The following MTHFD1L variants were observed in gnomAD, a reference collection of about 807,000 sequenced individuals.
The protein encoded by MTHFD1L is methylenetetrahydrofolate dehydrogenase (NADP+ dependent) 1 like.
Under a neutral mutation model 119.5 loss-of-function variants are expected in MTHFD1L, and 81 were observed. The ratio of observed to expected loss-of-function variants is 0.68; its 90% CI spans 0.57 to 0.82. MTHFD1L has a LOEUF of 0.82. Among genes scored for constraint, MTHFD1L ranks in the 40% least tolerant of loss-of-function variants. The pLI is 0.00. For synonymous variants in MTHFD1L, 430 were observed against 475.2 expected, an observed-to-expected ratio of 0.90 and a Z score of 1.24; for missense variants, 1,125 against 1,253.4, an observed-to-expected ratio of 0.90 and a Z score of 1.55.
chr6:150,970,629 T>A (rs1797884655), intron 19 of MTHFD1L, among the ~76,000 whole-genome samples: 1 of 152,228 alleles, frequency 6.6e-6, no homozygotes, highest in South Asian at 2.1e-4. Flanking sequence ...TGGAGAATAT[T>A]CATAGCAAGA....
At chr6:150,978,309 T>C (rs9397030) in intron 20 of MTHFD1L, among the ~76,000 whole-genome samples, 12,166 of 152,132 alleles carry the variant, frequency 0.08, 1,234 homozygotes, top group East Asian at 0.54. Context: ...CTAGCTCTAC[T>C]TTTGACGGTA....
Position 150,882,645 on chromosome 6 carries a change from C to T in MTHFD1L, c.418-117C>T, listed in dbSNP as rs1453828415. 5.3e-6 allele frequency: 4 copies of T among 752,756 alleles called. No homozygotes were observed. In the East Asian group the frequency reaches 1.0e-4, roughly 19 times the overall value. 46.6% of individuals were successfully genotyped at this position (752,756 alleles called of 1,614,324 possible). ...ACCAAGTTTCCAACAAGGAGCAAAA[C>T]AACAACAAACTATAACAGATGCATT... On this transcript the variant is annotated intron_variant, in intron 4 of 27. Coordinates refer to ENST00000367321, the MANE Select transcript of MTHFD1L (RefSeq NM_015440.5).
intron 20 of MTHFD1L, among the ~76,000 whole-genome samples, chr6:150,985,660 C>CAAAAAAAAAAAAAAA (rs71014533): frequency 3.8e-5 from 3 of 78,936 alleles, no homozygotes; most frequent in Non-Finnish European, 4.9e-5. Flanking sequence ...GACTCTGTCT[C>CAAAAAAAAAAAAAAA]AAAAAAAAAA....
At position 150,905,924 on chromosome 6, in the gene MTHFD1L, G is replaced by A. The variant is rs529014145; in HGVS notation, c.892+163G>A. Among the ~76,000 whole-genome samples the A allele has an allele frequency of 3.9e-5, 6 of 152,326 alleles. No individual in the cohort carries two copies. In the East Asian group the frequency reaches 5.8e-4, roughly 15 times the overall value. On this transcript the variant is annotated intron_variant, in intron 8 of 27. Transcript: ENST00000367321. ...GTGGGCTACCTGATAGAACCATGCTGTTGAGCAAAGAGAGACCAAGATGGC... is the reference window on the plus strand; with the variant it reads ...GTGGGCTACCTGATAGAACCATGCTATTGAGCAAAGAGAGACCAAGATGGC...
chr6:150,964,234 A>G (rs1326392438), intron 18 of MTHFD1L, among the ~76,000 whole-genome samples: 1 of 152,018 alleles, frequency 6.6e-6, no homozygotes, highest in Non-Finnish European at 1.5e-5. Context: ...TTTTTTTGGC[A>G]CATGTTTTCC....
At chr6:150,935,906 A>G (rs1437685567) in intron 11 of MTHFD1L, among the ~76,000 whole-genome samples, 2 of 152,206 alleles carry the variant, frequency 1.3e-5, no homozygotes, top group African/African-American at 2.4e-5. Flanking sequence ...ATTTTTAACA[A>G]TGCTTGTGAT....
At chr6:150,891,278 G>A (rs1169635875) in intron 7 of MTHFD1L, among the ~76,000 whole-genome samples, 7 of 151,816 alleles carry the variant, frequency 4.6e-5, no homozygotes, top group Admixed American at 2.0e-4. Flanking sequence ...GAGCTACCGC[G>A]CCCGGGCTGG....
intron 26 of MTHFD1L, among the ~76,000 whole-genome samples, chr6:151,075,917 C>T (rs1792450203): frequency 6.6e-6 from 1 of 152,124 alleles, no homozygotes; most frequent in Admixed American, 6.5e-5. Flanking sequence ...ACTCAAAACT[C>T]AATGAGAAAA....
intron 26 of MTHFD1L, among the ~76,000 whole-genome samples, chr6:151,059,296 C>A (rs149737395): frequency 6.6e-6 from 1 of 151,958 alleles, no homozygotes; most frequent in Non-Finnish European, 1.5e-5. Flanking sequence ...CTGCAACCTT[C>A]GCCTCCTGGG....
intron 8 of MTHFD1L, among the ~76,000 whole-genome samples, chr6:150,917,048 A>G (rs144817161): frequency 0.018 from 2,683 of 150,046 alleles, 33 homozygotes; most frequent in Middle Eastern, 0.038. Context: ...GGCGTGAGCC[A>G]CCATGCCTGG....
intron 24 of MTHFD1L, among the ~76,000 whole-genome samples, chr6:151,033,479 A>G (rs767262544): frequency 2.0e-5 from 3 of 152,136 alleles, no homozygotes; most frequent in Non-Finnish European, 2.9e-5. Context: ...TGTTTCTTAA[A>G]TTTAGAATTA....
intron 26 of MTHFD1L, among the ~76,000 whole-genome samples, chr6:151,080,251 G>A (rs1244771307): frequency 6.6e-6 from 1 of 152,194 alleles, no homozygotes; most frequent in Non-Finnish European, 1.5e-5. Flanking sequence ...ATGTGCTTAT[G>A]AGAAACCGAA....
At chr6:150,919,667 A>G (rs1241421289) in intron 9 of MTHFD1L, among the ~76,000 whole-genome samples, 2 of 152,094 alleles carry the variant, frequency 1.3e-5, no homozygotes, top group Non-Finnish European at 2.9e-5. Context: ...AGAGTGAGGG[A>G]TGGTGCTATA....
intron 27 of MTHFD1L, among the ~76,000 whole-genome samples, chr6:151,099,220 A>C (rs1265147921): frequency 6.6e-6 from 1 of 150,786 alleles, no homozygotes; most frequent in Non-Finnish European, 1.5e-5. Flanking sequence ...AAGCACCTTT[A>C]GACAAAACCA....
At chr6:150,918,122 G>A (rs1038697544) in intron 8 of MTHFD1L, among the ~76,000 whole-genome samples, 2 of 144,752 alleles carry the variant, frequency 1.4e-5, no homozygotes, top group Admixed American at 7.1e-5. Flanking sequence ...TTGCAGTGCA[G>A]TGGCGTGATC....
At chr6:151,051,747 A>G (rs1323559648) in intron 26 of MTHFD1L, among the ~76,000 whole-genome samples, 1 of 152,326 alleles carries the variant, frequency 6.6e-6, no homozygotes, top group East Asian at 1.9e-4. Context: ...AGAAAGGTGT[A>G]AGTGCTAAAT....
chr6:150,925,026 G>A (rs1789690634), intron 10 of MTHFD1L, among the ~76,000 whole-genome samples: 1 of 152,076 alleles, frequency 6.6e-6, no homozygotes, highest in South Asian at 2.1e-4. Context: ...TTACCCCCGG[G>A]TCAGGCCCCT....
intron 26 of MTHFD1L, among the ~76,000 whole-genome samples, chr6:151,073,503 A>G (rs1258816706): frequency 6.6e-6 from 1 of 152,206 alleles, no homozygotes; most frequent in Non-Finnish European, 1.5e-5. Context: ...AGAAAAGTCA[A>G]TCAAAACTAA....
chr6:150,941,474 C>T (rs1343951328), intron 13 of MTHFD1L, among the ~76,000 whole-genome samples: 2 of 152,106 alleles, frequency 1.3e-5, no homozygotes, highest in East Asian at 3.9e-4. Flanking sequence ...ATGAAAGGAC[C>T]AGGGGCCTCT....
Sources: gnomAD v4.1 joint callset for allele counts (sites outside exome capture counted in the v4.1 genomes callset) on GRCh38, gnomAD v4.1.1 for gene constraint, MANE v1.5 for transcripts, NCBI Gene and HGNC (gene_info 2026-07-23, HGNC 2026-07-21) for gene names.